Variants in KSR1 observed in about 807,000 individuals in gnomAD.
KSR1 encodes kinase suppressor of ras 1.
Under a neutral mutation model 92.9 loss-of-function variants are expected in KSR1, and 35 were observed. That is an observed-to-expected ratio of 0.38 (90% CI 0.29 to 0.50). KSR1 has a LOEUF of 0.50. KSR1 is among the 20% of genes least tolerant of loss of function. The probability of loss-of-function intolerance (pLI) is 0.94; values close to 1 mark genes in which losing one functional copy is unlikely to be tolerated. For missense variants in KSR1, 972 were observed against 1,158.5 expected (o/e 0.84, Z 2.34); for synonymous variants, 467 against 472.6 (o/e 0.99, Z 0.15).
chr17:27,495,046 G>A (rs565577163), intron 1 of KSR1, among the ~76,000 whole-genome samples: 2 of 152,264 alleles, frequency 1.3e-5, no homozygotes, highest in African/African-American at 2.4e-5. Flanking sequence ...GCTGGGCAGG[G>A]CTCTGCTTCA....
At chr17:27,557,085 G>T (rs749982891) in intron 2 of KSR1, among the ~76,000 whole-genome samples, 2 of 152,176 alleles carry the variant, frequency 1.3e-5, no homozygotes, top group Non-Finnish European at 2.9e-5. Flanking sequence ...CTTCGGGAGG[G>T]ACCTAAAACC....
At chr17:27,466,785 C>T (rs952135008) in intron 1 of KSR1, among the ~76,000 whole-genome samples, 12 of 152,368 alleles carry the variant, frequency 7.9e-5, no homozygotes, top group South Asian at 6.2e-4. Context: ...TCTTGGCCAA[C>T]GGAGGCCTGG....
chr17:27,461,721 G>C (rs2019449386), intron 1 of KSR1, among the ~76,000 whole-genome samples: 2 of 152,226 alleles, frequency 1.3e-5, no homozygotes, highest in Non-Finnish European at 2.9e-5. Flanking sequence ...GCTGGAGAGA[G>C]GTCTTATCAG....
chr17:27,527,066 A>G, intron 1 of KSR1: 1 of 441,626 alleles, frequency 2.3e-6, no homozygotes. Context: ...TTCGTGGGTC[A>G]GCGCCTGCAG....
At chr17:27,508,602 A>G (rs2150996363) in intron 1 of KSR1, among the ~76,000 whole-genome samples, 1 of 152,274 alleles carries the variant, frequency 6.6e-6, no homozygotes, top group Admixed American at 6.5e-5. Context: ...AACAAAGGGG[A>G]CTGGACACTT....
chr17:27,541,770 G>A (rs999088015), intron 1 of KSR1, among the ~76,000 whole-genome samples: 3 of 152,210 alleles, frequency 2.0e-5, no homozygotes, highest in African/African-American at 7.2e-5. Context: ...TGTAAGATGG[G>A]AATGATGAAG....
chr17:27,522,936 A>T (rs1308358790), intron 1 of KSR1, among the ~76,000 whole-genome samples: 2 of 152,174 alleles, frequency 1.3e-5, no homozygotes, highest in African/African-American at 4.8e-5. Context: ...ACTAAGAAAG[A>T]AAAAAAGGAT....
At chr17:27,575,937 C>A (rs1039247138) in intron 2 of KSR1, among the ~76,000 whole-genome samples, 1 of 152,230 alleles carries the variant, frequency 6.6e-6, no homozygotes, top group African/African-American at 2.4e-5. Flanking sequence ...AGGTGTAGGC[C>A]AGGCCTTCCT....
At chr17:27,527,496 G>GGGTTAAA (rs199925581) in intron 1 of KSR1, among the ~76,000 whole-genome samples, 62,135 of 150,252 alleles carry the variant, frequency 0.41, 13,468 homozygotes, top group African/African-American at 0.55. Context: ...TCCGCCTCCT[G>GGGTTAAA]GCGATTCTCC....
At chr17:27,532,627 G>A (rs1356392869) in intron 1 of KSR1, among the ~76,000 whole-genome samples, 2 of 152,366 alleles carry the variant, frequency 1.3e-5, no homozygotes, top group South Asian at 2.1e-4. Context: ...CAGCGGGTGG[G>A]ACGGGGTAGG....
At chr17:27,621,829 C>T in intron 20 of KSR1, 1 of 1,203,280 alleles carries the variant, frequency 8.3e-7, no homozygotes, top group Non-Finnish European at 1.2e-6. Flanking sequence ...AGGGAGTCCC[C>T]TGCCCAGCTG....
Position 27,625,831 on chromosome 17 carries a change from C to G in KSR1, c.*2439C>G, listed in dbSNP as rs1362838383. 1 of 152,212 alleles carries G rather than the reference C, an allele frequency of 6.6e-6. No homozygotes were observed. The highest frequency in any genetic ancestry group is 1.5e-5 in the Non-Finnish European group (1 of 68,062). The allele number at this position is 152,212 out of a possible 1,614,324, so 9.4% of individuals were successfully genotyped here. A position where few individuals can be genotyped will look rare whatever the true frequency, so the allele number is the denominator to read the frequency against. On this transcript the variant is annotated 3_prime_UTR_variant, in exon 21 of 21. Coordinates refer to ENST00000644974, the MANE Select transcript of KSR1 (RefSeq NM_001394583.1). ...CCCACGGGGGTCTGAGAGTGGAGCC[C>G]AAGCTTTGGCCCTCCAGGCATCCCC...
rs1434188323 is a variant in KSR1 at position 27,588,866 on chromosome 17, G to A, written c.1046+331G>A. ...ACAGGAGCTTCCCTACATCCAGTGCGATGTCACATGAGTCCTGAAACTGGC... is the reference window on the plus strand; with the variant it reads ...ACAGGAGCTTCCCTACATCCAGTGCAATGTCACATGAGTCCTGAAACTGGC... On this transcript the variant is annotated intron_variant, in intron 6 of 20. Transcript: ENST00000644974. 5.3e-5 allele frequency among the ~76,000 whole-genome samples: 8 copies of A among 152,214 alleles called. No homozygotes were observed. The South Asian group carries it at 1.2e-3, about 24-fold the overall frequency.
At chr17:27,592,684 A>G in intron 9 of KSR1, 58 bp downstream of exon 9, 1 of 1,422,066 alleles carries the variant, frequency 7.0e-7, no homozygotes, top group African/African-American at 1.4e-5. Context: ...CTTCCTATAA[A>G]GCACCCCTGC....
chr17:27,547,262 G>A (rs2071214567), intron 1 of KSR1, among the ~76,000 whole-genome samples: 2 of 152,146 alleles, frequency 1.3e-5, no homozygotes, highest in Admixed American at 6.5e-5. Context: ...CATTATTATG[G>A]GTCTCATTTC....
At position 27,597,379 on chromosome 17, in the gene KSR1, G is replaced by T. The variant is rs140764960; in HGVS notation, c.1411G>T (p.Ala471Ser). Reference protein sequence around the residue: ...PFPTSSNPSSATTPPNPSPGQ... With the variant: ...PFPTSSNPSSSTTPPNPSPGQ... ...CCCGACATCATCCAACCCATCCAGC[G>T]CCACCACGCCCCCCAACCCCTCACC... Residue 471 changes from alanine (A) to serine (S), a missense_variant, in exon 10 of 21, where the codon GCC (alanine) becomes TCC (serine). Ala to Ser is a moderately conservative substitution (Grantham distance 99). This residue lies in a region of KSR1 where 611 missense variants were observed against 668.0 expected (regional missense o/e 0.91). Transcript: ENST00000644974. 4 of 1,613,424 alleles carry T rather than the reference G, an allele frequency of 2.5e-6. No homozygotes were observed. The highest frequency in any genetic ancestry group is 2.2e-5 in the East Asian group (1 of 44,858).
Position 27,624,565 on chromosome 17 carries a change from G to A in KSR1, c.*1173G>A, listed in dbSNP as rs1480190876. On this transcript the variant is annotated 3_prime_UTR_variant, in exon 21 of 21. Coordinates refer to ENST00000644974, the MANE Select transcript of KSR1 (RefSeq NM_001394583.1). Reference sequence around the variant, plus strand: ...TGTCCATTTGAAGCAGGAGGGGCTGGATTTGGAAAAGTCTTTGAAGTGAGA... The same window carrying A: ...TGTCCATTTGAAGCAGGAGGGGCTGAATTTGGAAAAGTCTTTGAAGTGAGA... The A allele has an allele frequency of 6.6e-6, 1 of 152,186 alleles. No individual in the cohort carries two copies. The highest frequency in any genetic ancestry group is 1.9e-4 in the East Asian group (1 of 5,190). The allele number at this position is 152,186 out of a possible 1,614,324, so 9.4% of individuals were successfully genotyped here.
chr17:27,572,859 A>G (rs549964217), intron 2 of KSR1, among the ~76,000 whole-genome samples: 8 of 152,182 alleles, frequency 5.3e-5, no homozygotes, highest in African/African-American at 1.9e-4. Flanking sequence ...ATACTGGGAG[A>G]TATCAGGGCC....
rs369264947 is a variant in KSR1, at chr17:27,597,363, A to C, written c.1395A>C (p.Ser465=). ...TPSSPAPFPT[S]SNPSSATTPP... ...CCTCACCGGCGCCCTTCCCGACATC[A>C]TCCAACCCATCCAGCGCCACCACGC... The change falls in exon 10 of 21, where the codon TCA becomes TCC. Residue 465 remains serine (S), a synonymous_variant. Coordinates refer to ENST00000644974, the MANE Select transcript of KSR1 (RefSeq NM_001394583.1). 2 of 1,613,570 alleles carry C rather than the reference A, an allele frequency of 1.2e-6. No individual in the cohort carries two copies. The highest frequency in any genetic ancestry group is 2.7e-5 in the African/African-American group (2 of 74,866).
Sources: allele counts gnomAD v4.1 joint callset (sites outside exome capture counted in the v4.1 genomes callset), GRCh38; gene constraint gnomAD v4.1.1; regional missense constraint gnomAD v4.1.1; transcripts MANE v1.5; gene names NCBI Gene and HGNC (gene_info 2026-07-23, HGNC 2026-07-21).